Variants in PTK2B observed in about 807,000 individuals in gnomAD.
PTK2B encodes the protein protein-tyrosine kinase 2-beta.
PTK2B carries 71 observed loss-of-function variants against 142.9 expected under a neutral mutation model. The ratio of observed to expected loss-of-function variants is 0.50; its 90% CI spans 0.41 to 0.61. PTK2B has a LOEUF of 0.61. PTK2B is among the 20% of genes least tolerant of loss of function. The pLI, the probability that PTK2B is intolerant of heterozygous loss-of-function variation, is 0.00. For synonymous variants in PTK2B, 519 were observed against 503.4 expected (o/e 1.03, Z -0.42); for missense variants, 1,105 against 1,320.4 (o/e 0.84, Z 2.53).
chr8:27,391,439 T>G (rs1807720298), intron 1 of PTK2B, among the ~76,000 whole-genome samples: 1 of 152,208 alleles, frequency 6.6e-6, no homozygotes, highest in African/African-American at 2.4e-5. Flanking sequence ...ATTTTATGTT[T>G]GGGACTCTCA....
chr8:27,311,240 C>A, upstream of PTK2B: 1 of 1,516,906 alleles, frequency 6.6e-7, no homozygotes, highest in Non-Finnish European at 8.8e-7. Flanking sequence ...CTCCATGGCA[C>A]GAGCAGCCGG....
intron 2 of PTK2B, among the ~76,000 whole-genome samples, chr8:27,408,745 CTG>C (rs1808878350): frequency 1.3e-5 from 2 of 152,356 alleles, no homozygotes; most frequent in East Asian, 3.9e-4. Context: ...AAACAACTGT[CTG>C]TGTCTGTCTA....
At chr8:27,432,502 G>A (rs1563282461) in intron 10 of PTK2B, 141 bp downstream of exon 10, 3 of 707,430 alleles carry the variant, frequency 4.2e-6, no homozygotes, top group African/African-American at 1.8e-5. Context: ...TAAGAAAACT[G>A]CACCAAGTTC....
At chr8:27,359,335 C>T (rs923163440) in intron 1 of PTK2B, among the ~76,000 whole-genome samples, 2 of 152,170 alleles carry the variant, frequency 1.3e-5, no homozygotes, top group Non-Finnish European at 2.9e-5. Context: ...AGGCTGGTCT[C>T]AAACTCCTGA....
upstream of PTK2B, among the ~76,000 whole-genome samples, chr8:27,321,297 CA>C (rs540916855): frequency 6.6e-6 from 1 of 151,866 alleles, no homozygotes; most frequent in Non-Finnish European, 1.5e-5. Flanking sequence ...TGCCTGGCCT[CA>C]AAAAAACATT....
chr8:27,315,748 A>G (rs1241017777), intron 3 of PTK2B, among the ~76,000 whole-genome samples: 1 of 152,178 alleles, frequency 6.6e-6, no homozygotes, highest in Non-Finnish European at 1.5e-5. Context: ...AAGGCTCTTC[A>G]ATCATTCTGG....
intron 1 of PTK2B, among the ~76,000 whole-genome samples, chr8:27,369,218 C>CA (rs1806195209): frequency 6.6e-6 from 1 of 152,166 alleles, no homozygotes; most frequent in Non-Finnish European, 1.5e-5. Context: ...CTCCACACCC[C>CA]CTGCCCTACA....
chr8:27,311,305 C>G (rs939529158), upstream of PTK2B: 1 of 1,435,788 alleles, frequency 7.0e-7, no homozygotes, highest in Non-Finnish European at 9.2e-7. Flanking sequence ...GCTGCCAACG[C>G]CCGCGACCCG....
intron 5 of PTK2B, among the ~76,000 whole-genome samples, chr8:27,426,682 A>G (rs1383135174): frequency 2.6e-5 from 4 of 152,224 alleles, no homozygotes; most frequent in African/African-American, 7.2e-5. Context: ...TGGTGACTAT[A>G]TAAATGATCT....
intron 1 of PTK2B, among the ~76,000 whole-genome samples, chr8:27,355,117 C>T (rs1192593412): frequency 6.6e-6 from 1 of 152,236 alleles, no homozygotes; most frequent in Non-Finnish European, 1.5e-5. Flanking sequence ...TGTCCGCATC[C>T]TAATCCCAGA....
intron 5 of PTK2B, among the ~76,000 whole-genome samples, chr8:27,428,919 CT>C (rs1810242452): frequency 6.6e-6 from 1 of 152,140 alleles, no homozygotes; most frequent in African/African-American, 2.4e-5. Flanking sequence ...CCTTGAGTGT[CT>C]TCTTTTTAAT....
chr8:27,346,049 G>T (rs190076568), intron 1 of PTK2B, among the ~76,000 whole-genome samples: 2 of 152,302 alleles, frequency 1.3e-5, no homozygotes, highest in South Asian at 2.1e-4. Context: ...CTCCTACTCA[G>T]ATGTTCCTCA....
intron 26 of PTK2B, 72 bp downstream of exon 26, chr8:27,451,150 G>T (rs1160717430): frequency 1.3e-6 from 2 of 1,528,634 alleles, no homozygotes; most frequent in African/African-American, 1.4e-5. Flanking sequence ...AGGACCCCCC[G>T]CCCAACTTGC....
chr8:27,439,185 A>G, intron 19 of PTK2B, 54 bp downstream of exon 19: 2 of 1,580,212 alleles, frequency 1.3e-6, no homozygotes, highest in East Asian at 2.2e-5. Context: ...CTGAAGCCAA[A>G]AATTCCAGAA....
At chr8:27,387,308 G>A (rs1401776323) in intron 1 of PTK2B, among the ~76,000 whole-genome samples, 1 of 152,208 alleles carries the variant, frequency 6.6e-6, no homozygotes, top group Non-Finnish European at 1.5e-5. Flanking sequence ...AGAGCAGCCT[G>A]CCTTGGGAGA....
chr8:27,417,428 G>T (rs532819396), intron 2 of PTK2B, among the ~76,000 whole-genome samples: 1 of 151,952 alleles, frequency 6.6e-6, no homozygotes, highest in African/African-American at 2.4e-5. Flanking sequence ...CTGGAGAGGC[G>T]GGAGGTAGTG....
chr8:27,439,197 A>G (rs751697861), intron 19 of PTK2B, 66 bp downstream of exon 19: 9 of 1,570,604 alleles, frequency 5.7e-6, no homozygotes, highest in Non-Finnish European at 7.9e-6. Context: ...ATTCCAGAAG[A>G]AGGAAGTCTA....
intron 1 of PTK2B, among the ~76,000 whole-genome samples, chr8:27,396,959 G>C (rs1012249327): frequency 3.3e-5 from 5 of 152,206 alleles, no homozygotes; most frequent in African/African-American, 1.2e-4. Flanking sequence ...GCTCCTGTCA[G>C]ACGGAAGCCT....
At chr8:27,433,671 A>G (rs1446591001) in intron 11 of PTK2B, 119 bp downstream of exon 11, 2 of 905,426 alleles carry the variant, frequency 2.2e-6, no homozygotes, top group African/African-American at 3.3e-5. Flanking sequence ...TTCTTCCCCC[A>G]CAGCCCAGCG....
Sources: gnomAD v4.1 joint callset for allele counts (sites outside exome capture counted in the v4.1 genomes callset) on GRCh38, gnomAD v4.1.1 for gene constraint, MANE v1.5 for transcripts, NCBI Gene and HGNC (gene_info 2026-07-23, HGNC 2026-07-21) for gene names.